TTC28: variants seen among roughly 807,000 people sequenced by gnomAD.
The protein encoded by TTC28 is tetratricopeptide repeat protein 28.
TTC28 carries 61 observed loss-of-function variants against 198.0 expected under a neutral mutation model. That is an observed-to-expected ratio of 0.31 (90% CI 0.25 to 0.38). TTC28 has a LOEUF of 0.38. Ranked by LOEUF, TTC28 falls within the 10% of genes least tolerant of loss-of-function variation. The pLI, the probability that TTC28 is intolerant of heterozygous loss-of-function variation, is 1.00. For synonymous variants in TTC28, 1,171 were observed against 1,297.8 expected (o/e 0.90, Z 2.10); for missense variants, 2,678 against 3,164.0 (o/e 0.85, Z 3.69).
intron 2 of TTC28, among the ~76,000 whole-genome samples, chr22:28,605,346 T>C (rs2050712371): frequency 6.6e-6 from 1 of 152,184 alleles, no homozygotes; most frequent in South Asian, 2.1e-4. Context: ...AAGTAAACAA[T>C]GACCAGTGGC....
At chr22:28,235,299 T>A (rs961815709) in intron 5 of TTC28, among the ~76,000 whole-genome samples, 4 of 152,212 alleles carry the variant, frequency 2.6e-5, no homozygotes, top group African/African-American at 9.6e-5. Flanking sequence ...GCCTGATCTG[T>A]TGCCTTCCCT....
intron 3 of TTC28, among the ~76,000 whole-genome samples, chr22:28,298,856 A>G (rs1242533372): frequency 6.6e-6 from 1 of 152,232 alleles, no homozygotes; most frequent in Non-Finnish European, 1.5e-5. Flanking sequence ...TCTCACTGGT[A>G]ACCCAGTATC....
intron 14 of TTC28, among the ~76,000 whole-genome samples, chr22:28,009,987 C>A (rs1400592535): frequency 6.6e-6 from 1 of 152,206 alleles, no homozygotes; most frequent in Non-Finnish European, 1.5e-5. Flanking sequence ...TTTAAAGCAG[C>A]CAAACTCCTT....
chr22:28,071,486 A>G (rs1006996990), intron 12 of TTC28, among the ~76,000 whole-genome samples: 1 of 149,740 alleles, frequency 6.7e-6, no homozygotes, highest in African/African-American at 2.5e-5. Context: ...GCAAGAACAA[A>G]AAACCAAACA....
intron 5 of TTC28, among the ~76,000 whole-genome samples, chr22:28,202,282 A>G (rs1365440252): frequency 1.3e-5 from 2 of 152,168 alleles, no homozygotes; most frequent in Non-Finnish European, 2.9e-5. Context: ...CACACCTGTA[A>G]TCACAGCACT....
At position 28,201,637 on chromosome 22, in the gene TTC28, A is replaced by C. The variant is rs181505123; in HGVS notation, c.934-38038T>G. Among the ~76,000 whole-genome samples, 109 of 151,952 alleles carry C rather than the reference A, an allele frequency of 7.2e-4. No individual in the cohort carries two copies. In the East Asian group the frequency reaches 0.02, roughly 28 times the overall value. The stretch of plus-strand genomic sequence containing the variant: ...ACAGTGGTGAGAAAGAAAATGAGAG[A>C]GGATGGCAGCAACAGCCAGGGGAGT... On this transcript the variant is annotated intron_variant, in intron 5 of 22. Coordinates refer to ENST00000397906, the MANE Select transcript of TTC28 (RefSeq NM_001145418.2).
chr22:28,122,556 T>C (rs1007891977), intron 6 of TTC28, among the ~76,000 whole-genome samples: 2 of 152,224 alleles, frequency 1.3e-5, no homozygotes, highest in African/African-American at 4.8e-5. Context: ...TTTATGGGTT[T>C]TGCTGTTGTT....
At chr22:28,624,516 A>C (rs1020207304) in intron 2 of TTC28, among the ~76,000 whole-genome samples, 13 of 152,226 alleles carry the variant, frequency 8.5e-5, no homozygotes, top group African/African-American at 3.1e-4. Context: ...CTTGAAAGAA[A>C]CAATTACCAA....
intron 2 of TTC28, among the ~76,000 whole-genome samples, chr22:28,355,443 A>G (rs1385545368): frequency 6.6e-6 from 1 of 152,238 alleles, no homozygotes; most frequent in East Asian, 1.9e-4. Flanking sequence ...TTAAAAAAGA[A>G]GAATCAAGAT....
chr22:28,648,372 A>G (rs2145161), intron 1 of TTC28, among the ~76,000 whole-genome samples: 90,130 of 152,144 alleles, frequency 0.59, 27,325 homozygotes, highest in South Asian at 0.74. Flanking sequence ...TGGTGAAAAG[A>G]AATGCTTATA....
intron 2 of TTC28, among the ~76,000 whole-genome samples, chr22:28,429,359 T>C (rs1380758354): frequency 6.6e-6 from 1 of 152,164 alleles, no homozygotes; most frequent in African/African-American, 2.4e-5. Context: ...CACAGAAAAG[T>C]GTCTTCACAA....
intron 2 of TTC28, among the ~76,000 whole-genome samples, chr22:28,549,190 G>C (rs1268347921): frequency 6.6e-6 from 1 of 151,854 alleles, no homozygotes; most frequent in East Asian, 1.9e-4. Flanking sequence ...ATCACACCCA[G>C]CTAATTTTTT....
intron 5 of TTC28, among the ~76,000 whole-genome samples, chr22:28,224,717 T>A (rs774268371): frequency 1.3e-5 from 2 of 152,116 alleles, no homozygotes; most frequent in African/African-American, 2.4e-5. Flanking sequence ...GAAGCAAATA[T>A]AAGAAAGTGA....
intron 6 of TTC28, among the ~76,000 whole-genome samples, chr22:28,162,564 T>G (rs1921335089): frequency 6.6e-6 from 1 of 152,218 alleles, no homozygotes; most frequent in Non-Finnish European, 1.5e-5. Flanking sequence ...GGATGTTTTG[T>G]TTTTCCAGTA....
chr22:28,290,666 C>G (rs2044770904), intron 5 of TTC28, among the ~76,000 whole-genome samples: 1 of 152,132 alleles, frequency 6.6e-6, no homozygotes, highest in Non-Finnish European at 1.5e-5. Context: ...AATCCCAGCA[C>G]TTTGGGAGGC....
chr22:28,138,324 T>G (rs1490429702), intron 6 of TTC28, among the ~76,000 whole-genome samples: 1 of 152,234 alleles, frequency 6.6e-6, no homozygotes, highest in Non-Finnish European at 1.5e-5. Flanking sequence ...AGGGATGCAC[T>G]GCTAGACTCT....
intron 2 of TTC28, among the ~76,000 whole-genome samples, chr22:28,424,885 T>C (rs2047323933): frequency 6.6e-6 from 1 of 152,224 alleles, no homozygotes; most frequent in Non-Finnish European, 1.5e-5. Flanking sequence ...GTTTAGGCAT[T>C]GTAGAGACTC....
chr22:28,461,333 GCT>G (rs1486184009), intron 2 of TTC28, among the ~76,000 whole-genome samples: 9 of 152,100 alleles, frequency 5.9e-5, no homozygotes, highest in South Asian at 2.1e-4. Flanking sequence ...TCTCAGTCTA[GCT>G]CTCTCTTTCC....
intron 2 of TTC28, among the ~76,000 whole-genome samples, chr22:28,495,442 T>A (rs544805113): frequency 1.3e-5 from 2 of 152,294 alleles, no homozygotes; most frequent in East Asian, 3.9e-4. Flanking sequence ...AGGGGAAAAT[T>A]ATTCCCAACC....
Sources: allele counts gnomAD v4.1 joint callset (sites outside exome capture counted in the v4.1 genomes callset), GRCh38; gene constraint gnomAD v4.1.1; transcripts MANE v1.5; gene names NCBI Gene and HGNC (gene_info 2026-07-23, HGNC 2026-07-21).